The following KPNA1 variants were observed in gnomAD, a reference collection of about 807,000 sequenced individuals.
KPNA1 encodes karyopherin subunit alpha 1.
Under a neutral mutation model 70.5 loss-of-function variants are expected in KPNA1, and 10 were observed. That is an observed-to-expected ratio of 0.14 (90% CI 0.09 to 0.24). KPNA1 has a LOEUF of 0.24. Among genes scored for constraint, KPNA1 ranks in the 10% least tolerant of loss-of-function variants. The pLI, the probability that KPNA1 is intolerant of heterozygous loss-of-function variation, is 1.00. For missense variants in KPNA1, 397 were observed against 637.9 expected (o/e 0.62, Z 4.07); for synonymous variants, 192 against 221.9 (o/e 0.87, Z 1.20).
At position 122,471,365 on chromosome 3, in the gene KPNA1, T is replaced by C. The variant is rs768175192; in HGVS notation, c.130-3936A>G. Among the ~76,000 whole-genome samples the C allele has an allele frequency of 2.3e-4, 35 of 152,232 alleles. 1 individual carries two copies. Among genetic ancestry groups the C allele is most frequent in the Non-Finnish European group, 4.4e-5 (3 of 68,044 alleles). The stretch of plus-strand genomic sequence containing the variant: ...ACTGATTTCAATTTGACAGTTAATA[T>C]TCAGTTCAATATTCTAAATAAATCG... On this transcript the variant is annotated intron_variant, in intron 2 of 13. Coordinates refer to ENST00000344337, the MANE Select transcript of KPNA1 (RefSeq NM_002264.4).
At chr3:122,471,486 T>TA (rs2076441733) in intron 2 of KPNA1, among the ~76,000 whole-genome samples, 1 of 152,128 alleles carries the variant, frequency 6.6e-6, no homozygotes. Context: ...CCACTTTAAA[T>TA]AAAAACACAG....
intron 13 of KPNA1, 54 bp downstream of exon 13, chr3:122,427,484 A>C: frequency 6.5e-7 from 1 of 1,532,278 alleles, no homozygotes. Context: ...ACTGAACTCT[A>C]TCTATGACCC....
intron 1 of KPNA1, chr3:122,514,397 C>G (rs1385540551): frequency 6.7e-6 from 1 of 149,592 alleles, no homozygotes; most frequent in African/African-American, 2.5e-5. Flanking sequence ...CCGGCCGCGG[C>G]GCAGGCTCCG....
Position 122,424,816 on chromosome 3 carries a change from C to T in KPNA1, c.*2169G>A, listed in dbSNP as rs924605273. 6.6e-5 allele frequency: 10 copies of T among 152,528 alleles called. No homozygotes were observed. The highest frequency in any genetic ancestry group is 1.5e-4 in the Non-Finnish European group (10 of 68,000). 9.4% of individuals were successfully genotyped at this position (152,528 alleles called of 1,614,324 possible). A position where few individuals can be genotyped will look rare whatever the true frequency, so the allele number is the denominator to read the frequency against. On this transcript the variant is annotated 3_prime_UTR_variant, in exon 14 of 14. Coordinates refer to ENST00000344337, the MANE Select transcript of KPNA1 (RefSeq NM_002264.4). ...AATTTACAATTTTAAAAAACAGCCA[C>T]AAAAAAGTCAAAGCTAAAAACAAGA... is the stretch of plus-strand genomic sequence containing the variant.
chr3:122,484,756 G>A (rs1298149199), intron 2 of KPNA1, among the ~76,000 whole-genome samples: 1 of 152,186 alleles, frequency 6.6e-6, no homozygotes, highest in Admixed American at 6.5e-5. Context: ...GAGGACTCAA[G>A]ATTGTTAACA....
chr3:122,461,399 C>T, intron 4 of KPNA1, 81 bp from the exon 5 acceptor site: 1 of 821,774 alleles, frequency 1.2e-6, no homozygotes, highest in Non-Finnish European at 2.0e-6. Context: ...TTCTTAACAT[C>T]CCTCCCTCCA....
intron 2 of KPNA1, among the ~76,000 whole-genome samples, chr3:122,485,746 A>C (rs2076621972): frequency 6.6e-6 from 1 of 152,230 alleles, no homozygotes; most frequent in Non-Finnish European, 1.5e-5. Flanking sequence ...ACAGTTAATA[A>C]TAATGTATTA....
At chr3:122,504,459 C>T (rs1271421816) in intron 1 of KPNA1, among the ~76,000 whole-genome samples, 3 of 152,102 alleles carry the variant, frequency 2.0e-5, no homozygotes, top group Non-Finnish European at 2.9e-5. Flanking sequence ...ACACATGAAT[C>T]GTAAGGGGAC....
intron 1 of KPNA1, among the ~76,000 whole-genome samples, chr3:122,509,276 A>C (rs2076928588): frequency 6.6e-6 from 1 of 152,072 alleles, no homozygotes; most frequent in African/African-American, 2.4e-5. Flanking sequence ...GATAAAACCA[A>C]GTAAAGGCAA....
chr3:122,476,861 CAAAAAA>C (rs144118691), intron 2 of KPNA1, among the ~76,000 whole-genome samples: 12 of 65,500 alleles, frequency 1.8e-4, no homozygotes, highest in East Asian at 1.7e-3. Context: ...GGAGGTTCCA[CAAAAAA>C]AAAAAAAAAA....
At position 122,496,502 on chromosome 3, in the gene KPNA1, C is replaced by T. The variant is rs1443873785; in HGVS notation, c.64G>A (p.Asp22Asn). The T allele has an allele frequency of 1.2e-6, 2 of 1,613,744 alleles. No homozygotes were observed. Among genetic ancestry groups the T allele is most frequent in the African/African-American group, 1.3e-5 (1 of 74,910 alleles). ...KSYKNKSLNP[D>N]EMRRRREEEG... ...TCCTCCCTCCTCCTGCGCATCTCATCGGGATTCAGAGATTTGTTCTTGTAA... is the reference window on the plus strand; with the variant it reads ...TCCTCCCTCCTCCTGCGCATCTCATTGGGATTCAGAGATTTGTTCTTGTAA... Residue 22 changes from aspartate to asparagine, a missense_variant, in exon 2 of 14, where the codon GAT becomes AAT. By Grantham distance (23) the Asp-to-Asn change is conservative. Coordinates refer to ENST00000344337, the MANE Select transcript of KPNA1 (RefSeq NM_002264.4).
At chr3:122,499,821 G>A (rs967716487) in intron 1 of KPNA1, among the ~76,000 whole-genome samples, 4 of 151,828 alleles carry the variant, frequency 2.6e-5, no homozygotes, top group African/African-American at 9.7e-5. Context: ...TCTGGCTTTG[G>A]TATCAGAGTG....
rs4677950 is a variant in KPNA1, at chr3:122,426,963, T to A, written c.*22A>T. The A allele has an allele frequency of 1, 1,597,605 of 1,605,136 alleles. 795,284 individuals carry two copies. The highest frequency in any genetic ancestry group is 1 in the East Asian group (44,834 of 44,834). ...ACTGGGTAGCCTGGTCTGACACAGG[T>A]ACGTGAAAGCAGAGTATTGCTTCAA... On this transcript the variant is annotated 3_prime_UTR_variant, in exon 14 of 14. Coordinates refer to ENST00000344337, the MANE Select transcript of KPNA1 (RefSeq NM_002264.4).
chr3:122,476,861 C>CAAAAAAAAAAAAAAAAAAAA (rs144118691), intron 2 of KPNA1, among the ~76,000 whole-genome samples: 8 of 65,498 alleles, frequency 1.2e-4, no homozygotes, highest in South Asian at 6.9e-4. Flanking sequence ...GGAGGTTCCA[C>CAAAAAAAAAAAAAAAAAAAA]AAAAAAAAAA....
intron 10 of KPNA1, among the ~76,000 whole-genome samples, chr3:122,438,853 TAAAG>T (rs1044129986): frequency 5.3e-5 from 8 of 152,226 alleles, no homozygotes; most frequent in South Asian, 4.1e-4. Context: ...AGCATAAAAA[TAAAG>T]AAATTATAGG....
chr3:122,437,528 A>G (rs2076004974), intron 10 of KPNA1, among the ~76,000 whole-genome samples: 2 of 152,236 alleles, frequency 1.3e-5, no homozygotes, highest in Admixed American at 6.5e-5. Context: ...ATAAGATACA[A>G]TAATGTTACT....
intron 12 of KPNA1, among the ~76,000 whole-genome samples, chr3:122,431,013 A>G (rs1005360586): frequency 6.6e-6 from 1 of 152,198 alleles, no homozygotes; most frequent in African/African-American, 2.4e-5. Context: ...AAAACTGCCA[A>G]TTCTCTATAC....
At chr3:122,427,323 G>T in intron 13 of KPNA1, 151 bp from the exon 14 acceptor site, 1 of 736,886 alleles carries the variant, frequency 1.4e-6, no homozygotes, top group Non-Finnish European at 2.2e-6. Flanking sequence ...TTTTATAATA[G>T]CACAGAAATG....
At position 122,449,543 on chromosome 3, in the gene KPNA1, A is replaced by G. The variant is rs757540508; in HGVS notation, c.917+31T>C. On this transcript the variant is annotated intron_variant, in intron 9 of 13. Transcript: ENST00000344337. Reference sequence around the variant, plus strand: ...TAGAAAACTAGTACCAAGGGAGAGAAAGTGGACACACTTTCTAAAAGATAT... The same window carrying G: ...TAGAAAACTAGTACCAAGGGAGAGAGAGTGGACACACTTTCTAAAAGATAT... The G allele has an allele frequency of 1.9e-6, 3 of 1,578,732 alleles. No individual in the cohort carries two copies. The South Asian group carries it at 3.5e-5, about 18-fold the overall frequency.
Sources: gnomAD v4.1 joint callset for allele counts (sites outside exome capture counted in the v4.1 genomes callset) on GRCh38, gnomAD v4.1.1 for gene constraint, MANE v1.5 for transcripts, NCBI Gene and HGNC (gene_info 2026-07-23, HGNC 2026-07-21) for gene names.